CACNA2D2: variants seen among roughly 807,000 people sequenced by gnomAD.
CACNA2D2 encodes the protein voltage-dependent calcium channel subunit alpha-2/delta-2.
CACNA2D2 carries 48 observed loss-of-function variants against 166.4 expected under a neutral mutation model. The ratio of observed to expected loss-of-function variants is 0.29; its 90% CI spans 0.23 to 0.37. The LOEUF (loss-of-function observed/expected upper bound fraction) is 0.37. Ranked by LOEUF, CACNA2D2 falls within the 10% of genes least tolerant of loss-of-function variation. The pLI is 1.00. For synonymous variants in CACNA2D2, 561 were observed against 573.7 expected (o/e 0.98, Z 0.32); for missense variants, 1,122 against 1,433.0 (o/e 0.78, Z 3.50).
rs930216508 is a variant in CACNA2D2 at position 50,366,670 on chromosome 3, C to G, written c.2590-45G>C. On this transcript the variant is annotated intron_variant, in intron 29 of 37. Transcript: ENST00000424201. The surrounding 1 kb of genome is among the most constrained non-coding windows in gnomAD (Gnocchi z 5.9). ...GACCGTAAGCCACCCACCAGTTTTC[C>G]TCCCTCCCATCACCTTTCATACATC... The G allele has an allele frequency of 6.2e-7, 1 of 1,611,074 alleles. No homozygotes were observed. The highest frequency in any genetic ancestry group is 1.3e-5 in the African/African-American group (1 of 74,882).
chr3:50,381,249 C>A (rs952901855), intron 6 of CACNA2D2, 123 bp from the exon 7 acceptor site: 1 of 1,175,696 alleles, frequency 8.5e-7, no homozygotes, highest in Admixed American at 2.0e-5. Context: ...CCTATCCAGG[C>A]CCTCCCTATT....
At chr3:50,456,371 A>T (rs975821620) in intron 2 of CACNA2D2, among the ~76,000 whole-genome samples, 6 of 152,210 alleles carry the variant, frequency 3.9e-5, no homozygotes, top group Admixed American at 2.0e-4. Context: ...AGTCAGCTCC[A>T]TTCACAGCTG....
chr3:50,482,385 T>C (rs1282002143), intron 1 of CACNA2D2, among the ~76,000 whole-genome samples: 2 of 152,222 alleles, frequency 1.3e-5, no homozygotes, highest in Non-Finnish European at 2.9e-5. Flanking sequence ...GTACAGTACC[T>C]AGTGTACTGA....
chr3:50,497,474 C>T (rs1031321545), intron 1 of CACNA2D2, among the ~76,000 whole-genome samples: 3 of 152,184 alleles, frequency 2.0e-5, no homozygotes, highest in African/African-American at 2.4e-5. Context: ...GGCTCAGTCA[C>T]GGGTAACAGT....
chr3:50,488,968 G>A (rs1365179971), intron 1 of CACNA2D2, among the ~76,000 whole-genome samples: 1 of 152,126 alleles, frequency 6.6e-6, no homozygotes, highest in African/African-American at 2.4e-5. Context: ...CCAAAGTGCT[G>A]GGATTATAGG....
chr3:50,469,924 G>A lies in CACNA2D2; in HGVS notation c.288+6194C>T, dbSNP rs1709992386. On this transcript the variant is annotated intron_variant, in intron 2 of 37. Transcript: ENST00000424201. ...TCCCCTGGGAACTGATCTTGGAAGT[G>A]CCCTCTAGTGACCTGTTGGCACAAG... Among the ~76,000 whole-genome samples, 6 of 152,300 alleles carry A rather than the reference G, an allele frequency of 3.9e-5. No homozygotes were observed. In the South Asian group the frequency reaches 1.2e-3, roughly 32 times the overall value.
intron 2 of CACNA2D2, among the ~76,000 whole-genome samples, chr3:50,475,660 T>C (rs1288620569): frequency 6.6e-6 from 1 of 152,172 alleles, no homozygotes; most frequent in Non-Finnish European, 1.5e-5. Context: ...TGATCCCTCA[T>C]CCCACCAGGC....
chr3:50,465,743 C>A (rs1460196581), intron 2 of CACNA2D2, among the ~76,000 whole-genome samples: 1 of 152,138 alleles, frequency 6.6e-6, no homozygotes, highest in African/African-American at 2.4e-5. Context: ...GCCTGCAAGG[C>A]ATGCAGAGGA....
At chr3:50,414,832 A>G (rs1458322549) in intron 3 of CACNA2D2, among the ~76,000 whole-genome samples, 1 of 152,230 alleles carries the variant, frequency 6.6e-6, no homozygotes. Flanking sequence ...AGTCTGCGCC[A>G]GGCCGGCGGC....
At chr3:50,397,197 C>T (rs1362431454) in intron 3 of CACNA2D2, among the ~76,000 whole-genome samples, 1 of 152,234 alleles carries the variant, frequency 6.6e-6, no homozygotes, top group African/African-American at 2.4e-5. Context: ...AAGGCTGGGT[C>T]AGCCCACTGA....
Position 50,375,717 on chromosome 3 carries a change from G to C in CACNA2D2, c.1846-12C>G, listed in dbSNP as rs982668408. The C allele has an allele frequency of 6.2e-7, 1 of 1,613,268 alleles. No homozygotes were observed. Among genetic ancestry groups the C allele is most frequent in the South Asian group, 1.1e-5 (1 of 91,080 alleles). On this transcript the variant is annotated splice_polypyrimidine_tract_variant and intron_variant, in intron 20 of 37. Transcript: ENST00000424201. The surrounding 1 kb of genome is among the most constrained non-coding windows in gnomAD (Gnocchi z 4.0). ...TCATCTATGTACCTCTGGGAGAGGAGGCTGGGTCAGGTACTTGGGCTAGCA... is the reference window on the plus strand; with the variant it reads ...TCATCTATGTACCTCTGGGAGAGGACGCTGGGTCAGGTACTTGGGCTAGCA...
intron 3 of CACNA2D2, among the ~76,000 whole-genome samples, chr3:50,412,312 C>A (rs1707054689): frequency 6.6e-6 from 1 of 152,368 alleles, no homozygotes; most frequent in East Asian, 1.9e-4. Flanking sequence ...TGCTCTGAGC[C>A]ACCACCCCAA....
intron 1 of CACNA2D2, among the ~76,000 whole-genome samples, chr3:50,479,491 CAG>C (rs2107106999): frequency 6.6e-6 from 1 of 152,364 alleles, no homozygotes; most frequent in South Asian, 2.1e-4. Flanking sequence ...TCCATTGTCA[CAG>C]AGATGTGACT....
At chr3:50,412,697 G>GCT (rs1006425952) in intron 3 of CACNA2D2, among the ~76,000 whole-genome samples, 1 of 152,172 alleles carries the variant, frequency 6.6e-6, no homozygotes, top group Non-Finnish European at 1.5e-5. Flanking sequence ...TATTTTTTTA[G>GCT]CTCGTTCTTT....
At chr3:50,493,712 C>T (rs549558434) in intron 1 of CACNA2D2, among the ~76,000 whole-genome samples, 5 of 152,310 alleles carry the variant, frequency 3.3e-5, no homozygotes, top group African/African-American at 4.8e-5. Flanking sequence ...TTGAGGGGGT[C>T]GCAGTCAGCT....
Position 50,475,503 on chromosome 3 carries a change from C to A in CACNA2D2, c.288+615G>T, listed in dbSNP as rs9829599. ...CATCTCCACGTAGAGAGCAATGGCT[C>A]AGGAGCCCGGGGCCTGACAGCAGCA... On this transcript the variant is annotated intron_variant, in intron 2 of 37. Coordinates refer to ENST00000424201, the MANE Select transcript of CACNA2D2 (RefSeq NM_006030.4). Among the ~76,000 whole-genome samples the A allele has an allele frequency of 3.0e-3, 461 of 152,296 alleles. 3 individuals are homozygous for A. Among genetic ancestry groups the A allele is most frequent in the African/African-American group, 0.011 (443 of 41,560 alleles).
intron 1 of CACNA2D2, among the ~76,000 whole-genome samples, chr3:50,478,587 G>A (rs1697902687): frequency 1.3e-5 from 2 of 152,280 alleles, no homozygotes; most frequent in South Asian, 2.1e-4. Flanking sequence ...CTACTTTCTC[G>A]CTTCAGTCCT....
intron 3 of CACNA2D2, among the ~76,000 whole-genome samples, chr3:50,401,044 A>T (rs946072810): frequency 5.9e-5 from 9 of 152,160 alleles, no homozygotes; most frequent in African/African-American, 1.9e-4. Flanking sequence ...AGATAAAATG[A>T]CCACCAGAGT....
intron 3 of CACNA2D2, among the ~76,000 whole-genome samples, chr3:50,419,468 G>C (rs1707440742): frequency 6.6e-6 from 1 of 152,136 alleles, no homozygotes; most frequent in Non-Finnish European, 1.5e-5. Flanking sequence ...TGACCCCGTT[G>C]GTGACCTTGA....
Sources: allele counts gnomAD v4.1 joint callset (sites outside exome capture counted in the v4.1 genomes callset), GRCh38; gene constraint gnomAD v4.1.1; non-coding constraint Gnocchi (gnomAD v3.1); transcripts MANE v1.5; gene names NCBI Gene and HGNC (gene_info 2026-07-23, HGNC 2026-07-21).